The following SLC35D4 variants were observed in gnomAD, a reference collection of about 807,000 sequenced individuals.
SLC35D4 encodes the protein UDP-N-acetylglucosamine transporter SLC35D4.
the SLC35D4 span, chr18:23,365,579 G>C: frequency 6.3e-7 from 1 of 1,598,256 alleles, no homozygotes; most frequent in Non-Finnish European, 8.5e-7. Flanking sequence ...AGGCTCACTG[G>C]GTCCAATAAG....
chr18:23,256,922 C>T, the SLC35D4 span, among the ~76,000 whole-genome samples: 4 of 152,170 alleles, frequency 2.6e-5, no homozygotes, highest in East Asian at 5.8e-4. Flanking sequence ...TCTTGGAGCC[C>T]GTTTTCTCAT....
At chr18:23,435,661 T>A in the SLC35D4 span, among the ~76,000 whole-genome samples, 4 of 152,274 alleles carry the variant, frequency 2.6e-5, no homozygotes, top group East Asian at 5.8e-4. Flanking sequence ...TTTGCCACAA[T>A]GGCAAGCACT....
At chr18:23,276,332 C>T in the SLC35D4 span, among the ~76,000 whole-genome samples, 52 of 152,218 alleles carry the variant, frequency 3.4e-4, no homozygotes, top group East Asian at 9.5e-3. Context: ...TCGTGATCCA[C>T]CCGCCTTGGC....
chr18:23,241,155 G>T, the SLC35D4 span, among the ~76,000 whole-genome samples: 1 of 152,082 alleles, frequency 6.6e-6, no homozygotes, highest in African/African-American at 2.4e-5. Flanking sequence ...ACTTTTTGGG[G>T]TCCATCTTCC....
At chr18:23,349,713 T>C in the SLC35D4 span, among the ~76,000 whole-genome samples, 2 of 152,250 alleles carry the variant, frequency 1.3e-5, no homozygotes, top group African/African-American at 4.8e-5. Flanking sequence ...AAGTGGTACT[T>C]ATAAAAGAAC....
chr18:23,427,913 G>A, the SLC35D4 span, among the ~76,000 whole-genome samples: 20 of 151,820 alleles, frequency 1.3e-4, no homozygotes, highest in South Asian at 2.1e-4. Context: ...GCAAACTATC[G>A]CAAGGACAGA....
chr18:23,386,820 T>G, the SLC35D4 span, among the ~76,000 whole-genome samples: 1 of 152,230 alleles, frequency 6.6e-6, no homozygotes, highest in South Asian at 2.1e-4. Context: ...GCTGGGACAT[T>G]TGTTAAGAGT....
the SLC35D4 span, among the ~76,000 whole-genome samples, chr18:23,387,813 GCTTCTAT>G: frequency 2.0e-5 from 3 of 151,592 alleles, no homozygotes; most frequent in East Asian, 5.8e-4. Context: ...AACTATTTTA[GCTTCTAT>G]TTTTTCATTT....
the SLC35D4 span, among the ~76,000 whole-genome samples, chr18:23,290,174 C>T: frequency 2.0e-5 from 3 of 152,264 alleles, no homozygotes; most frequent in Non-Finnish European, 4.4e-5. Context: ...TCCCTCCTGG[C>T]ACTTCCTCAG....
chr18:23,293,852 GCA>G, the SLC35D4 span, among the ~76,000 whole-genome samples: 1 of 152,220 alleles, frequency 6.6e-6, no homozygotes, highest in Non-Finnish European at 1.5e-5. Flanking sequence ...GAGTGCAGTG[GCA>G]CAGTCATGGC....
chr18:23,349,166 A>T, the SLC35D4 span, among the ~76,000 whole-genome samples: 1 of 152,106 alleles, frequency 6.6e-6, no homozygotes, highest in South Asian at 2.1e-4. Context: ...CTTACTTGGG[A>T]CTCACTGAAC....
the SLC35D4 span, among the ~76,000 whole-genome samples, chr18:23,311,410 T>A: frequency 5.9e-4 from 85 of 143,308 alleles, no homozygotes; most frequent in African/African-American, 2.1e-3. Context: ...TTTTTTTTTT[T>A]ATTAACATTT....
At chr18:23,432,780 A>C in the SLC35D4 span, among the ~76,000 whole-genome samples, 1 of 151,892 alleles carries the variant, frequency 6.6e-6, no homozygotes, top group African/African-American at 2.4e-5. Flanking sequence ...CAGGAGTTGA[A>C]GACCAGCCTG....
chr18:23,434,406 A>T, the SLC35D4 span, among the ~76,000 whole-genome samples: 3 of 152,136 alleles, frequency 2.0e-5, no homozygotes, highest in Non-Finnish European at 4.4e-5. Flanking sequence ...GATTATTCAG[A>T]TTATATATTC....
the SLC35D4 span, among the ~76,000 whole-genome samples, chr18:23,350,835 G>A: frequency 6.6e-5 from 10 of 152,286 alleles, no homozygotes; most frequent in African/African-American, 2.4e-4. Flanking sequence ...CACTGGGGAG[G>A]AGGGAATGGG....
At chr18:23,324,094 A>T in the SLC35D4 span, among the ~76,000 whole-genome samples, 1 of 151,766 alleles carries the variant, frequency 6.6e-6, no homozygotes, top group South Asian at 2.1e-4. Flanking sequence ...AAAGAAAAAA[A>T]AAAAAAGAAG....
the SLC35D4 span, among the ~76,000 whole-genome samples, chr18:23,401,046 T>C: frequency 6.6e-6 from 1 of 152,256 alleles, no homozygotes; most frequent in Admixed American, 6.5e-5. Flanking sequence ...TTTTCTTTTA[T>C]ATGTTTTAAA....
the SLC35D4 span, among the ~76,000 whole-genome samples, chr18:23,408,861 G>A: frequency 1.4e-5 from 2 of 145,244 alleles, no homozygotes; most frequent in Admixed American, 7.0e-5. Flanking sequence ...CCTGCCTGGC[G>A]CAGTGGCTCA....
the SLC35D4 span, among the ~76,000 whole-genome samples, chr18:23,393,277 T>A: frequency 6.6e-6 from 1 of 152,072 alleles, no homozygotes; most frequent in Non-Finnish European, 1.5e-5. Context: ...CCTTAACCAT[T>A]TTTAAGAGCA....
Sources: gnomAD v4.1 joint callset for allele counts (sites outside exome capture counted in the v4.1 genomes callset) on GRCh38, gnomAD v4.1.1 for gene constraint, MANE v1.5 for transcripts, NCBI Gene and HGNC (gene_info 2026-07-23, HGNC 2026-07-21) for gene names.